The following GABBR2 variants were observed in gnomAD, a reference collection of about 807,000 sequenced individuals.
GABBR2 encodes the protein G-protein coupled receptor 51.
A neutral mutation model predicts 105.6 loss-of-function variants in GABBR2; 23 were observed. The observed-to-expected ratio is 0.22, with a 90% CI of 0.16 to 0.31. The LOEUF (loss-of-function observed/expected upper bound fraction) is 0.31. Ranked by LOEUF, GABBR2 falls within the 10% of genes least tolerant of loss-of-function variation. GABBR2 has a pLI of 1.00. For synonymous variants in GABBR2, 478 were observed against 499.7 expected, an observed-to-expected ratio of 0.96 and a Z score of 0.58; for missense variants, 734 against 1,245.5, an observed-to-expected ratio of 0.59 and a Z score of 6.18.
chr9:98,377,864 C>A (rs963291349), intron 11 of GABBR2, among the ~76,000 whole-genome samples: 2 of 152,188 alleles, frequency 1.3e-5, no homozygotes, highest in African/African-American at 4.8e-5. Flanking sequence ...GACAGCCAGT[C>A]CCTGTGACCC....
intron 1 of GABBR2, among the ~76,000 whole-genome samples, chr9:98,585,373 C>G (rs1284270841): frequency 6.6e-6 from 1 of 151,162 alleles, no homozygotes; most frequent in Non-Finnish European, 1.5e-5. Context: ...CCATCATTCT[C>G]AGCAAACTAT....
At chr9:98,445,205 A>G (rs1826104962) in intron 7 of GABBR2, among the ~76,000 whole-genome samples, 1 of 152,174 alleles carries the variant, frequency 6.6e-6, no homozygotes, top group Non-Finnish European at 1.5e-5. Flanking sequence ...AGAGAAAGGA[A>G]GGGCTGTGGT....
chr9:98,708,477 C>A lies in GABBR2; in HGVS notation c.261G>T (p.Gln87His). 1 of 1,592,524 alleles carries A rather than the reference C, an allele frequency of 6.3e-7. No homozygotes were observed. Among genetic ancestry groups the A allele is most frequent in the Non-Finnish European group, 8.6e-7 (1 of 1,169,448 alleles). ...GGCGCAGGAGTGACTCGTTGCGGATCTGCTCGATGGCCAGTTCCACGGCGG... is the reference window on the plus strand; with the variant it reads ...GGCGCAGGAGTGACTCGTTGCGGATATGCTCGATGGCCAGTTCCACGGCGG... ...VLPAVELAIE[Q>H]IRNESLLRPY... Residue 87 changes from glutamine to histidine, a missense_variant, in exon 1 of 19, where the codon CAG becomes CAT. This residue lies in a region of GABBR2 where 370 missense variants were observed against 648.9 expected (regional missense o/e 0.57). Coordinates refer to ENST00000259455, the MANE Select transcript of GABBR2 (RefSeq NM_005458.8).
intron 1 of GABBR2, among the ~76,000 whole-genome samples, chr9:98,620,269 C>T (rs1829650634): frequency 6.6e-6 from 1 of 150,664 alleles, no homozygotes; most frequent in Admixed American, 6.6e-5. Context: ...CTCTCTCTCT[C>T]CCCGCTCCCA....
At chr9:98,565,804 G>A (rs564396897) in intron 2 of GABBR2, among the ~76,000 whole-genome samples, 5 of 152,170 alleles carry the variant, frequency 3.3e-5, no homozygotes, top group African/African-American at 9.7e-5. Flanking sequence ...GTGAACCCCA[G>A]CCTATCTGCC....
intron 1 of GABBR2, among the ~76,000 whole-genome samples, chr9:98,626,267 GC>G (rs1409839729): frequency 6.6e-6 from 1 of 152,194 alleles, no homozygotes; most frequent in African/African-American, 2.4e-5. Flanking sequence ...GGGAGTGACT[GC>G]CAATGGCTCC....
intron 5 of GABBR2, among the ~76,000 whole-genome samples, chr9:98,478,151 T>C (rs187002633): frequency 2.0e-4 from 31 of 152,284 alleles, no homozygotes; most frequent in Middle Eastern, 3.4e-3. Context: ...TGCGATCCCA[T>C]TGGGTGGCAG....
chr9:98,648,113 GTGT>G (rs1227461539), intron 1 of GABBR2, among the ~76,000 whole-genome samples: 2,561 of 52,246 alleles, frequency 0.049, 86 homozygotes, highest in African/African-American at 0.15. Flanking sequence ...GTGTGTGTGT[GTGT>G]ATAGATAGAT....
intron 1 of GABBR2, among the ~76,000 whole-genome samples, chr9:98,649,176 C>A (rs1830071256): frequency 6.6e-6 from 1 of 152,178 alleles, no homozygotes; most frequent in Admixed American, 6.5e-5. Context: ...TTAAATCTAA[C>A]TGATTTAACT....
At chr9:98,382,931 G>T (rs186642874) in intron 11 of GABBR2, among the ~76,000 whole-genome samples, 20 of 152,158 alleles carry the variant, frequency 1.3e-4, no homozygotes, top group Admixed American at 4.6e-4. Context: ...CATGCCAGAA[G>T]GCCACCCTTG....
intron 1 of GABBR2, among the ~76,000 whole-genome samples, chr9:98,606,018 T>C (rs1398472172): frequency 1.3e-5 from 2 of 151,998 alleles, no homozygotes; most frequent in East Asian, 3.9e-4. Context: ...AGTGAGAACA[T>C]GCGGTGTTTG....
intron 1 of GABBR2, among the ~76,000 whole-genome samples, chr9:98,615,968 T>C (rs1271164815): frequency 6.6e-6 from 1 of 152,224 alleles, no homozygotes; most frequent in Non-Finnish European, 1.5e-5. Flanking sequence ...TAAGTAGTAC[T>C]TCCTTCATGG....
chr9:98,340,330 A>G (rs543996758), intron 13 of GABBR2, among the ~76,000 whole-genome samples: 2 of 152,124 alleles, frequency 1.3e-5, no homozygotes, highest in East Asian at 3.9e-4. Context: ...GTCTCAGCAC[A>G]GTAACTTAAA....
At chr9:98,414,129 G>T (rs375706527) in intron 7 of GABBR2, among the ~76,000 whole-genome samples, 1 of 152,104 alleles carries the variant, frequency 6.6e-6, no homozygotes, top group Non-Finnish European at 1.5e-5. Flanking sequence ...ATAAACACAC[G>T]GATAAATAGA....
chr9:98,629,409 G>C, intron 1 of GABBR2, among the ~76,000 whole-genome samples: 1 of 152,284 alleles, frequency 6.6e-6, no homozygotes, highest in East Asian at 1.9e-4. Context: ...GCTGCTGGGA[G>C]CTCCTTAAAT....
intron 2 of GABBR2, 133 bp from the exon 3 acceptor site, chr9:98,542,176 C>CT: frequency 1.4e-6 from 1 of 693,958 alleles, no homozygotes; most frequent in Non-Finnish European, 2.3e-6. Context: ...ATTTTTAAAA[C>CT]TTTTTTATTG....
chr9:98,357,446 G>C (rs1216011829), intron 13 of GABBR2, among the ~76,000 whole-genome samples: 1 of 152,126 alleles, frequency 6.6e-6, no homozygotes, highest in Non-Finnish European at 1.5e-5. Flanking sequence ...CCAGGAATTG[G>C]AGACCAGTCT....
intron 1 of GABBR2, among the ~76,000 whole-genome samples, chr9:98,683,164 G>A (rs951340827): frequency 6.6e-6 from 1 of 151,922 alleles, no homozygotes; most frequent in African/African-American, 2.4e-5. Flanking sequence ...CGCGATCTCA[G>A]CTCACTGAAA....
chr9:98,306,442 G>A lies in GABBR2; in HGVS notation c.2005-97C>T. 1.4e-6 allele frequency: 1 copy of A among 723,032 alleles called. No homozygotes were observed. Among genetic ancestry groups the A allele is most frequent in the South Asian group, 1.6e-5 (1 of 60,670 alleles). 44.8% of individuals were successfully genotyped at this position (723,032 alleles called of 1,614,324 possible). A position where few individuals can be genotyped will look rare whatever the true frequency, so the allele number is the denominator to read the frequency against. On this transcript the variant is annotated intron_variant, in intron 14 of 18. Transcript: ENST00000259455. The surrounding 1 kb of genome is among the most constrained non-coding windows in gnomAD (Gnocchi z 5.4). ...CTGTGGAGTGGAGGGTTACTCAGGA[G>A]GTGGGCTGCAGGGAGGGAGGGTCGG...
Sources: allele counts gnomAD v4.1 joint callset (sites outside exome capture counted in the v4.1 genomes callset), GRCh38; gene constraint gnomAD v4.1.1; regional missense constraint gnomAD v4.1.1; non-coding constraint Gnocchi (gnomAD v3.1); transcripts MANE v1.5; gene names NCBI Gene and HGNC (gene_info 2026-07-23, HGNC 2026-07-21).